SLC35F1: variants seen among roughly 807,000 people sequenced by gnomAD.
SLC35F1 encodes the protein chromosome 6 open reading frame 169.
In SLC35F1, 14 loss-of-function variants were observed where a neutral mutation model predicts 48.7. The ratio of observed to expected loss-of-function variants is 0.29; its 90% confidence interval spans 0.19 to 0.45. The LOEUF (loss-of-function observed/expected upper bound fraction) is 0.45. Ranked by LOEUF, SLC35F1 falls within the 20% of genes least tolerant of loss-of-function variation. The pLI is 1.00. For missense variants in SLC35F1, 404 were observed against 500.0 expected (o/e 0.81, Z 1.83); for synonymous variants, 190 against 202.2 (o/e 0.94, Z 0.51).
intron 1 of SLC35F1, among the ~76,000 whole-genome samples, chr6:118,145,594 T>G (rs1311097078): frequency 6.6e-6 from 1 of 152,168 alleles, no homozygotes; most frequent in Non-Finnish European, 1.5e-5. Context: ...AACACAAGTA[T>G]TAACTAAAAT....
chr6:118,102,685 C>T (rs931634913), intron 1 of SLC35F1, among the ~76,000 whole-genome samples: 3 of 152,192 alleles, frequency 2.0e-5, no homozygotes, highest in African/African-American at 4.8e-5. Flanking sequence ...GAAGCTCATC[C>T]GTGGGCTTTG....
At chr6:117,922,934 G>A (rs567700151) in intron 1 of SLC35F1, among the ~76,000 whole-genome samples, 20 of 152,206 alleles carry the variant, frequency 1.3e-4, no homozygotes, top group South Asian at 1.0e-3. Flanking sequence ...TTGGGCTAGC[G>A]GAGAACACAT....
At chr6:118,122,497 C>G (rs1773566031) in intron 1 of SLC35F1, among the ~76,000 whole-genome samples, 1 of 152,192 alleles carries the variant, frequency 6.6e-6, no homozygotes, top group Non-Finnish European at 1.5e-5. Context: ...TGCCAACTTC[C>G]AATTTAACCC....
rs115751517 is a variant in SLC35F1, at chr6:118,278,758, A to C, written c.847+1212A>C. Among the ~76,000 whole-genome samples the C allele has an allele frequency of 9.7e-4, 148 of 152,384 alleles. 1 individual carries two copies. Among genetic ancestry groups the C allele is most frequent in the African/African-American group, 3.2e-3 (133 of 41,598 alleles). On this transcript the variant is annotated intron_variant, in intron 6 of 7. Transcript: ENST00000360388. ...AGCATTTGTCTTTGTGACCCACAAC[A>C]CCAGAAAACAAAATGTTACCTGTGC...
chr6:118,194,101 A>T (rs1449289097), intron 2 of SLC35F1, among the ~76,000 whole-genome samples: 1 of 152,078 alleles, frequency 6.6e-6, no homozygotes, highest in Non-Finnish European at 1.5e-5. Context: ...ACACAGACAG[A>T]CAGAAGAAGA....
At chr6:118,194,441 T>G (rs116988245) in intron 2 of SLC35F1, among the ~76,000 whole-genome samples, 368 of 152,202 alleles carry the variant, frequency 2.4e-3, no homozygotes, top group Non-Finnish European at 4.2e-3. Flanking sequence ...CCCAAGGACA[T>G]AAAACAAGAT....
intron 2 of SLC35F1, among the ~76,000 whole-genome samples, chr6:118,183,231 TA>T (rs1774608775): frequency 6.6e-6 from 1 of 152,198 alleles, no homozygotes; most frequent in South Asian, 2.1e-4. Context: ...GGCATGTTTA[TA>T]TTTCATGGTC....
intron 4 of SLC35F1, among the ~76,000 whole-genome samples, chr6:118,273,338 A>C (rs928091544): frequency 1.3e-5 from 2 of 152,194 alleles, no homozygotes; most frequent in Admixed American, 1.3e-4. Context: ...ATTTCTATTA[A>C]AATATTTCAT....
intron 4 of SLC35F1, among the ~76,000 whole-genome samples, chr6:118,270,620 T>C (rs1014155977): frequency 6.6e-6 from 1 of 152,224 alleles, no homozygotes; most frequent in African/African-American, 2.4e-5. Context: ...CCAAGCTTAC[T>C]GGTAAAAAAT....
intron 1 of SLC35F1, among the ~76,000 whole-genome samples, chr6:117,970,470 C>A (rs1776624306): frequency 6.6e-6 from 1 of 152,200 alleles, no homozygotes; most frequent in East Asian, 1.9e-4. Context: ...CAGTTAGTCT[C>A]TTTTTCTACA....
At chr6:118,236,972 T>C (rs904921579) in intron 3 of SLC35F1, among the ~76,000 whole-genome samples, 1 of 152,146 alleles carries the variant, frequency 6.6e-6, no homozygotes, top group Non-Finnish European at 1.5e-5. Context: ...AGCCCTGCTC[T>C]CCCTAAAGTT....
chr6:118,260,461 A>T (rs941650529), intron 3 of SLC35F1, among the ~76,000 whole-genome samples: 1 of 141,018 alleles, frequency 7.1e-6, no homozygotes, highest in Admixed American at 6.7e-5. Flanking sequence ...AATTTTTTTT[A>T]AAAAAGAAGG....
intron 2 of SLC35F1, among the ~76,000 whole-genome samples, chr6:118,191,635 A>AGATAGAGTTC (rs1392359730): frequency 6.6e-6 from 1 of 152,170 alleles, no homozygotes; most frequent in Non-Finnish European, 1.5e-5. Flanking sequence ...TGTTCTCAGA[A>AGATAGAGTTC]GATAGAGTTC....
At chr6:118,050,743 T>A (rs1582639266) in intron 1 of SLC35F1, among the ~76,000 whole-genome samples, 1 of 152,088 alleles carries the variant, frequency 6.6e-6, no homozygotes, top group Non-Finnish European at 1.5e-5. Flanking sequence ...GCAGGCCAGG[T>A]TTTGTTGTAA....
chr6:118,132,653 G>C (rs1389222650), intron 1 of SLC35F1, among the ~76,000 whole-genome samples: 1 of 152,182 alleles, frequency 6.6e-6, no homozygotes, highest in Non-Finnish European at 1.5e-5. Context: ...TCTCAGTAAA[G>C]AATGATTCAG....
intron 2 of SLC35F1, among the ~76,000 whole-genome samples, chr6:118,204,416 G>T (rs941867216): frequency 1.1e-4 from 17 of 152,166 alleles, no homozygotes; most frequent in South Asian, 6.2e-4. Context: ...TTTGGGGAAG[G>T]TTATGATCAA....
intron 1 of SLC35F1, among the ~76,000 whole-genome samples, chr6:118,000,275 T>G (rs867887820): frequency 0.03 from 4,625 of 152,020 alleles, 241 homozygotes; most frequent in African/African-American, 0.11. Context: ...TTCATCCCTG[T>G]GATGCAAGGC....
At chr6:117,922,031 T>C (rs1484424607) in intron 1 of SLC35F1, among the ~76,000 whole-genome samples, 2 of 152,212 alleles carry the variant, frequency 1.3e-5, no homozygotes, top group Non-Finnish European at 2.9e-5. Context: ...ATTCATTGGA[T>C]TTAAGATCCA....
chr6:118,088,622 G>A (rs767568789), intron 1 of SLC35F1, among the ~76,000 whole-genome samples: 1 of 152,150 alleles, frequency 6.6e-6, no homozygotes, highest in South Asian at 2.1e-4. Context: ...AAATAAATAG[G>A]ACGTCTTAAA....
Sources: allele counts gnomAD v4.1 joint callset (sites outside exome capture counted in the v4.1 genomes callset), GRCh38; gene constraint gnomAD v4.1.1; transcripts MANE v1.5; gene names NCBI Gene and HGNC (gene_info 2026-07-23, HGNC 2026-07-21).